Variants in PHF3 observed in about 807,000 individuals in gnomAD.
PHF3 encodes the protein PHD finger protein 3.
A neutral mutation model predicts 178.4 loss-of-function variants in PHF3; 41 were observed. The ratio of observed to expected loss-of-function variants is 0.23; its 90% CI spans 0.18 to 0.30. PHF3 has a LOEUF of 0.30. Ranked by LOEUF, PHF3 falls within the 10% of genes least tolerant of loss-of-function variation. The pLI is 1.00. For synonymous variants in PHF3, 842 were observed against 800.5 expected, an observed-to-expected ratio of 1.05 and a Z score of -0.88; for missense variants, 2,346 against 2,398.1, an observed-to-expected ratio of 0.98 and a Z score of 0.45.
At chr6:63,690,301 G>A (rs1209182097) in intron 4 of PHF3, among the ~76,000 whole-genome samples, 1 of 152,034 alleles carries the variant, frequency 6.6e-6, no homozygotes, top group Non-Finnish European at 1.5e-5. Context: ...AGCTAGCACA[G>A]GTATTACCAG....
At chr6:63,657,148 A>G (rs1030643789) in intron 2 of PHF3, among the ~76,000 whole-genome samples, 1 of 152,058 alleles carries the variant, frequency 6.6e-6, no homozygotes, top group Non-Finnish European at 1.5e-5. Context: ...ATTTTGCTTT[A>G]TGTCTTTCTA....
At chr6:63,665,178 T>C (rs140261989) in intron 2 of PHF3, among the ~76,000 whole-genome samples, 8 of 152,240 alleles carry the variant, frequency 5.3e-5, no homozygotes, top group Non-Finnish European at 1.2e-4. Context: ...AGTTTTTTCT[T>C]TTTAAAGTAA....
rs1462675906 is a variant in PHF3 at position 63,717,706 on chromosome 6, C to G, written c.*3998C>G. On this transcript the variant is annotated 3_prime_UTR_variant, in exon 16 of 16. Transcript: ENST00000262043. ...AATCCAATATAACTCTAAATATCCC[C>G]AAAATACTTTTTCTATGAAATAATT... Among the ~76,000 whole-genome samples, 1 of 151,902 alleles carries G rather than the reference C, an allele frequency of 6.6e-6. No homozygotes were observed. Among genetic ancestry groups the G allele is most frequent in the East Asian group, 1.9e-4 (1 of 5,204 alleles).
intron 1 of PHF3, among the ~76,000 whole-genome samples, chr6:63,646,131 T>C (rs1428398405): frequency 2.0e-5 from 3 of 152,184 alleles, no homozygotes; most frequent in African/African-American, 2.4e-5. Flanking sequence ...TGTGGACTTA[T>C]TGTAAAAGCA....
intron 1 of PHF3, among the ~76,000 whole-genome samples, chr6:63,640,670 A>G (rs1260339346): frequency 6.6e-6 from 1 of 152,094 alleles, no homozygotes; most frequent in Non-Finnish European, 1.5e-5. Context: ...ACAAAACCAA[A>G]CAACTTTTAG....
intron 5 of PHF3, among the ~76,000 whole-genome samples, chr6:63,693,594 G>A (rs567764937): frequency 6.6e-6 from 1 of 152,298 alleles, no homozygotes; most frequent in East Asian, 1.9e-4. Flanking sequence ...TTGGGCAAAA[G>A]AGTGAAACTC....
intron 2 of PHF3, among the ~76,000 whole-genome samples, chr6:63,649,435 T>G (rs1224474667): frequency 3.3e-5 from 5 of 152,210 alleles, no homozygotes; most frequent in African/African-American, 1.2e-4. Flanking sequence ...ATGTATTCCT[T>G]AGACCAATGA....
At chr6:63,662,758 C>T (rs3800490) in intron 2 of PHF3, among the ~76,000 whole-genome samples, 43,440 of 152,092 alleles carry the variant, frequency 0.29, 6,495 homozygotes, top group Admixed American at 0.37. Context: ...GCTTACATAA[C>T]AAGAACGATA....
rs572063317 is a variant in PHF3, at chr6:63,691,721, G to GT, written c.2190-15dup. On this transcript the variant is annotated splice_polypyrimidine_tract_variant and intron_variant, in intron 4 of 15. Transcript: ENST00000262043. ...TAAAAAAAGGGATAAAAGTTTTTTG[G>GT]TGTTCTGTTTTCCAGGTTTATGGTT... is the stretch of plus-strand genomic sequence containing the variant. 1.6e-5 allele frequency: 25 copies of GT among 1,534,506 alleles called. No individual in the cohort carries two copies. In the East Asian group the frequency reaches 4.9e-4, roughly 30 times the overall value.
chr6:63,721,618 T>TTG lies in PHF3; in HGVS notation c.*7911_*7912insGT. On this transcript the variant is annotated 3_prime_UTR_variant, in exon 16 of 16. Coordinates refer to ENST00000262043, the MANE Select transcript of PHF3 (RefSeq NM_001370348.2). ...CTCATTTTAGTGGAGGCCTTTTCTG[T>TTG]TACATTTATCCCATCTAGATCCAGG... 1 of 1,551,382 alleles carries TTG rather than the reference T, an allele frequency of 6.4e-7. No individual in the cohort carries two copies.
In PHF3 at chr6:63,711,556, G is replaced by A. The variant is rs763979649; in HGVS notation, c.3998-30G>A. 3 of 1,518,684 alleles carry A rather than the reference G, an allele frequency of 2.0e-6. No homozygotes were observed. The Admixed American group carries it at 6.7e-5, about 34-fold the overall frequency. The allele number at this position is 1,518,684 out of a possible 1,614,324, so 94.1% of individuals were successfully genotyped here. On this transcript the variant is annotated intron_variant, in intron 15 of 15. Coordinates refer to ENST00000262043, the MANE Select transcript of PHF3 (RefSeq NM_001370348.2). ...TTTTTTTGCAATGATTGAAAATGATGAATTAATTGATGTTTTTGGTTTTAT... is the reference window on the plus strand; with the variant it reads ...TTTTTTTGCAATGATTGAAAATGATAAATTAATTGATGTTTTTGGTTTTAT...
chr6:63,703,885 A>G (rs906896598), intron 11 of PHF3, among the ~76,000 whole-genome samples: 1 of 152,190 alleles, frequency 6.6e-6, no homozygotes, highest in Non-Finnish European at 1.5e-5. Context: ...ATTATACTAT[A>G]TATGATTTGA....
At position 63,716,814 on chromosome 6, in the gene PHF3, C is replaced by T. The variant is rs980992688; in HGVS notation, c.*3106C>T. Among the ~76,000 whole-genome samples, 17 of 151,984 alleles carry T rather than the reference C, an allele frequency of 1.1e-4. 1 individual carries two copies. Among genetic ancestry groups the T allele is most frequent in the African/African-American group, 4.1e-4 (17 of 41,406 alleles). ...CTCTGACCTTCCCTTCTGATTCCCT[C>T]TTCTACTACAAAGGACCCTTGTGAT... On this transcript the variant is annotated 3_prime_UTR_variant, in exon 16 of 16. Transcript: ENST00000262043.
At position 63,685,019 on chromosome 6, in the gene PHF3, A is replaced by G. The variant is rs1403187302; in HGVS notation, c.1297A>G (p.Ser433Gly). 3 of 1,614,022 alleles carry G rather than the reference A, an allele frequency of 1.9e-6. No individual in the cohort carries two copies. The highest frequency in any genetic ancestry group is 1.7e-5 in the Admixed American group (1 of 60,016). ...TGATACTAGTACTTTTGGACCGGAA[A>G]GTAATATCTTGGAAAATGCTATTTG... ...VVDTSTFGPESNILENAICDV... is the reference protein window; with the variant it reads ...VVDTSTFGPEGNILENAICDV... Residue 433 changes from serine (S) to glycine (G), a missense_variant, in exon 4 of 16, where the codon AGT (serine) becomes GGT (glycine). Coordinates refer to ENST00000262043, the MANE Select transcript of PHF3 (RefSeq NM_001370348.2).
At chr6:63,710,503 GA>G (rs910881866) in intron 14 of PHF3, among the ~76,000 whole-genome samples, 10 of 151,690 alleles carry the variant, frequency 6.6e-5, no homozygotes, top group African/African-American at 1.5e-4. Context: ...ATACCATCAT[GA>G]AAAAAAACAT....
chr6:63,665,468 G>A (rs1043161033), intron 2 of PHF3, among the ~76,000 whole-genome samples: 1 of 143,278 alleles, frequency 7.0e-6, no homozygotes. Flanking sequence ...TTACTGTTTC[G>A]CTTTGTGGTT....
chr6:63,690,107 C>G (rs939271619), intron 4 of PHF3, among the ~76,000 whole-genome samples: 4 of 152,130 alleles, frequency 2.6e-5, no homozygotes, highest in African/African-American at 4.8e-5. Context: ...CTTTATTCCA[C>G]TTTTGCTAGA....
At chr6:63,671,699 A>T in intron 2 of PHF3, among the ~76,000 whole-genome samples, 1 of 152,212 alleles carries the variant, frequency 6.6e-6, no homozygotes, top group East Asian at 1.9e-4. Context: ...TAGTTCTAGT[A>T]TCTCTGAGGG....
At chr6:63,666,204 AC>A (rs1338645889) in intron 2 of PHF3, among the ~76,000 whole-genome samples, 2 of 152,122 alleles carry the variant, frequency 1.3e-5, no homozygotes, top group Non-Finnish European at 2.9e-5. Context: ...TTTAAGGTAT[AC>A]TGACTGTTTT....
Sources: gnomAD v4.1 joint callset for allele counts (sites outside exome capture counted in the v4.1 genomes callset) on GRCh38, gnomAD v4.1.1 for gene constraint, MANE v1.5 for transcripts, NCBI Gene and HGNC (gene_info 2026-07-23, HGNC 2026-07-21) for gene names.